The following TTLL5 variants were observed in gnomAD, a reference collection of about 807,000 sequenced individuals.
The protein encoded by TTLL5 is tubulin polyglutamylase TTLL5.
In TTLL5, 132 loss-of-function variants were observed where a neutral mutation model predicts 168.4. That is an observed-to-expected ratio of 0.78 (90% confidence interval 0.68 to 0.91). The LOEUF is 0.91. TTLL5 is among the 40% of genes least tolerant of loss of function. The probability of loss-of-function intolerance (pLI) is 0.00; values close to 1 mark genes in which losing one functional copy is unlikely to be tolerated. For synonymous variants in TTLL5, 546 were observed against 558.6 expected (o/e 0.98, Z 0.32); for missense variants, 1,545 against 1,581.5 (o/e 0.98, Z 0.39).
intron 15 of TTLL5, among the ~76,000 whole-genome samples, chr14:75,741,357 A>T (rs2062837798): frequency 6.6e-6 from 1 of 152,192 alleles, no homozygotes; most frequent in South Asian, 2.1e-4. Flanking sequence ...AGAGGACCTT[A>T]CTTCCTTAGT....
intron 27 of TTLL5, among the ~76,000 whole-genome samples, chr14:75,816,222 G>A (rs1727366567): frequency 6.6e-6 from 1 of 152,120 alleles, no homozygotes; most frequent in South Asian, 2.1e-4. Flanking sequence ...TGAGGTCAGG[G>A]GTTACCAGCC....
chr14:75,806,030 CTTTT>C (rs200829500), intron 27 of TTLL5, among the ~76,000 whole-genome samples: 2 of 137,936 alleles, frequency 1.4e-5, no homozygotes. Context: ...CTGAAAGATT[CTTTT>C]TTTTTTTTTT....
chr14:75,782,999 A>G (rs1595032522), intron 25 of TTLL5, 148 bp from the exon 26 acceptor site: 2 of 934,880 alleles, frequency 2.1e-6, no homozygotes, highest in East Asian at 2.7e-5. Flanking sequence ...TAAGTTTATG[A>G]TGAACACTCA....
At chr14:75,691,864 G>A (rs2099263996) in intron 6 of TTLL5, among the ~76,000 whole-genome samples, 1 of 152,190 alleles carries the variant, frequency 6.6e-6, no homozygotes, top group African/African-American at 2.4e-5. Context: ...GTCACCTAGT[G>A]GGTTGTTCAT....
intron 7 of TTLL5, among the ~76,000 whole-genome samples, chr14:75,699,532 G>C (rs1886106313): frequency 6.6e-6 from 1 of 152,198 alleles, no homozygotes; most frequent in Non-Finnish European, 1.5e-5. Flanking sequence ...CAGCAGAAAA[G>C]AGGTACCTTT....
chr14:75,902,898 C>A (rs890153355), intron 31 of TTLL5, among the ~76,000 whole-genome samples: 2 of 152,154 alleles, frequency 1.3e-5, no homozygotes, highest in Admixed American at 1.3e-4. Context: ...GAGATACACA[C>A]CGGGTGAACA....
intron 29 of TTLL5, among the ~76,000 whole-genome samples, chr14:75,864,751 G>T (rs567734929): frequency 6.6e-6 from 1 of 152,234 alleles, no homozygotes; most frequent in South Asian, 2.1e-4. Context: ...GTTATGTGAA[G>T]AAATAACTTT....
At chr14:75,877,768 C>T (rs1223177147) in intron 29 of TTLL5, among the ~76,000 whole-genome samples, 1 of 152,200 alleles carries the variant, frequency 6.6e-6, no homozygotes, top group Non-Finnish European at 1.5e-5. Context: ...CAGGACAGAA[C>T]AATTCACATG....
chr14:75,732,801 T>C (rs1396694790), intron 13 of TTLL5, among the ~76,000 whole-genome samples: 2 of 152,210 alleles, frequency 1.3e-5, no homozygotes, highest in Non-Finnish European at 2.9e-5. Flanking sequence ...TATAAAGGTA[T>C]AAACCTGGAT....
At chr14:75,855,096 G>A (rs1427534823) in intron 28 of TTLL5, among the ~76,000 whole-genome samples, 1 of 144,404 alleles carries the variant, frequency 6.9e-6, no homozygotes, top group African/African-American at 2.6e-5. Flanking sequence ...TAGATTCTTT[G>A]ATTTTTCCCT....
chr14:75,772,730 C>T (rs901430914), intron 21 of TTLL5, among the ~76,000 whole-genome samples: 5 of 149,934 alleles, frequency 3.3e-5, no homozygotes, highest in Admixed American at 6.7e-5. Flanking sequence ...TGCAGTGGTG[C>T]GATCTCAGCT....
chr14:75,807,732 C>T (rs779467668), intron 27 of TTLL5, among the ~76,000 whole-genome samples: 4 of 152,166 alleles, frequency 2.6e-5, no homozygotes, highest in East Asian at 3.8e-4. Flanking sequence ...CTGTCTCTTT[C>T]GGTGTGAATA....
chr14:75,690,234 T>C lies in TTLL5; in HGVS notation c.414T>C (p.Ile138=). ...LTRKDRLYKN[I]IRMQHTHGFK... ...GGAAGGACCGACTGTACAAAAACAT[T>C]ATTCGAATGCAGCATACACATGGAT... Residue 138 remains isoleucine (I), a synonymous_variant, in exon 6 of 32, where the codon ATT becomes ATC. Coordinates refer to ENST00000298832, the MANE Select transcript of TTLL5 (RefSeq NM_015072.5). 1 of 1,613,468 alleles carries C rather than the reference T, an allele frequency of 6.2e-7. No individual in the cohort carries two copies. The highest frequency in any genetic ancestry group is 8.5e-7 in the Non-Finnish European group (1 of 1,179,758).
chr14:75,813,543 T>G (rs1421001155), intron 27 of TTLL5, among the ~76,000 whole-genome samples: 1 of 152,094 alleles, frequency 6.6e-6, no homozygotes, highest in African/African-American at 2.4e-5. Flanking sequence ...GCTCCAACGA[T>G]CCACATGCTT....
At chr14:75,782,803 T>A (rs1312531639) in intron 25 of TTLL5, among the ~76,000 whole-genome samples, 2 of 152,192 alleles carry the variant, frequency 1.3e-5, no homozygotes, top group Non-Finnish European at 2.9e-5. Flanking sequence ...TCTTTGTTCC[T>A]AGAAGGGTGA....
At chr14:75,729,945 G>A (rs181819863) in intron 12 of TTLL5, among the ~76,000 whole-genome samples, 51 of 152,264 alleles carry the variant, frequency 3.3e-4, no homozygotes, top group Non-Finnish European at 6.2e-4. Flanking sequence ...CTTAATGCAA[G>A]ATACTTAAAT....
intron 12 of TTLL5, among the ~76,000 whole-genome samples, chr14:75,727,008 A>G (rs1888227520): frequency 6.6e-6 from 1 of 152,202 alleles, no homozygotes; most frequent in African/African-American, 2.4e-5. Context: ...TGTTGGACCA[A>G]TTCACTGCCT....
chr14:75,746,122 A>T (rs923472382), intron 17 of TTLL5, among the ~76,000 whole-genome samples: 3 of 152,304 alleles, frequency 2.0e-5, no homozygotes, highest in African/African-American at 7.2e-5. Flanking sequence ...CTGCCTTCTG[A>T]CATTACAGTT....
intron 30 of TTLL5, chr14:75,886,658 C>T (rs1340396025): frequency 6.3e-7 from 1 of 1,589,774 alleles, no homozygotes; most frequent in Non-Finnish European, 8.5e-7. Context: ...AATAATCTTT[C>T]TTGATTTTCT....
Sources: gnomAD v4.1 joint callset for allele counts (sites outside exome capture counted in the v4.1 genomes callset) on GRCh38, gnomAD v4.1.1 for gene constraint, MANE v1.5 for transcripts, NCBI Gene and HGNC (gene_info 2026-07-23, HGNC 2026-07-21) for gene names.